Variants in RUNX1 observed in about 807,000 individuals in gnomAD.
RUNX1 encodes runt-related transcription factor 1.
Under a neutral mutation model 42.8 loss-of-function variants are expected in RUNX1, and 19 were observed. The observed-to-expected ratio is 0.44, with a 90% CI of 0.31 to 0.65. The LOEUF (loss-of-function observed/expected upper bound fraction) is 0.65. Among genes scored for constraint, RUNX1 ranks in the 30% least tolerant of loss-of-function variants. The probability of loss-of-function intolerance (pLI) is 0.07; values close to 1 mark genes in which losing one functional copy is unlikely to be tolerated. For synonymous variants in RUNX1, 271 were observed against 289.4 expected (o/e 0.94, Z 0.64); for missense variants, 528 against 672.0 (o/e 0.79, Z 2.37).
At chr21:34,951,075 T>C (rs1383801302) in intron 2 of RUNX1, among the ~76,000 whole-genome samples, 3 of 152,242 alleles carry the variant, frequency 2.0e-5, no homozygotes, top group Non-Finnish European at 4.4e-5. Flanking sequence ...TGACAAGGTA[T>C]GCGTGTTTTA....
At chr21:34,994,457 C>T (rs2058977652) in intron 2 of RUNX1, among the ~76,000 whole-genome samples, 1 of 151,992 alleles carries the variant, frequency 6.6e-6, no homozygotes, top group Non-Finnish European at 1.5e-5. Flanking sequence ...AGGATGGATA[C>T]CCCATTTTCC....
At chr21:34,966,760 T>C (rs2058721670) in intron 2 of RUNX1, among the ~76,000 whole-genome samples, 1 of 152,228 alleles carries the variant, frequency 6.6e-6, no homozygotes, top group Non-Finnish European at 1.5e-5. Flanking sequence ...TATGGTTATA[T>C]ACGCCATAAA....
At chr21:34,795,069 A>T (rs915374994) in intron 8 of RUNX1, among the ~76,000 whole-genome samples, 1 of 152,224 alleles carries the variant, frequency 6.6e-6, no homozygotes, top group Non-Finnish European at 1.5e-5. Context: ...ATCCACAGAC[A>T]GCAACAAACA....
In RUNX1 at chr21:34,887,049, G is replaced by C. The variant is rs755793721; in HGVS notation, c.145C>G (p.Pro49Ala). The C allele has an allele frequency of 1.2e-6, 2 of 1,600,730 alleles. No individual in the cohort carries two copies. Among genetic ancestry groups the C allele is most frequent in the Non-Finnish European group, 1.7e-6 (2 of 1,179,850 alleles). ...RFTPPSTALS[P>A]GKMSEALPLG... ...GGCAACGCCTCGCTCATCTTGCCTG[G>C]GCTCAGCGCGGTGGAAGGCGGCGTG... Residue 49 changes from proline to alanine, a missense_variant, in exon 4 of 9, where the codon CCA becomes GCA. Pro to Ala is a conservative substitution (Grantham distance 27). Coordinates refer to ENST00000675419, the MANE Select transcript of RUNX1 (RefSeq NM_001754.5).
intron 5 of RUNX1, among the ~76,000 whole-genome samples, chr21:34,878,423 T>G (rs1325221115): frequency 6.6e-6 from 1 of 151,560 alleles, no homozygotes; most frequent in Non-Finnish European, 1.5e-5. Flanking sequence ...AATATTCATA[T>G]CCACAGTAAT....
chr21:34,990,373 G>A (rs2058927414), intron 2 of RUNX1, among the ~76,000 whole-genome samples: 1 of 152,198 alleles, frequency 6.6e-6, no homozygotes, highest in African/African-American at 2.4e-5. Context: ...GGAAGAGCAG[G>A]AACCCCCAGA....
chr21:34,919,343 C>T (rs2146548221), intron 2 of RUNX1, among the ~76,000 whole-genome samples: 1 of 152,296 alleles, frequency 6.6e-6, no homozygotes, highest in South Asian at 2.1e-4. Flanking sequence ...CCAGTGAGAA[C>T]CAAGACAACT....
chr21:34,977,834 G>A (rs2058814487), intron 2 of RUNX1, among the ~76,000 whole-genome samples: 1 of 152,194 alleles, frequency 6.6e-6, no homozygotes, highest in Non-Finnish European at 1.5e-5. Flanking sequence ...GCTATGTAAG[G>A]AAGGTAACTG....
chr21:34,962,024 C>G (rs2058685337), intron 2 of RUNX1, among the ~76,000 whole-genome samples: 2 of 152,052 alleles, frequency 1.3e-5, no homozygotes, highest in African/African-American at 4.8e-5. Context: ...TCCTGAGTAG[C>G]TGGGACTACA....
chr21:34,941,144 T>G (rs1240157560), intron 2 of RUNX1, among the ~76,000 whole-genome samples: 10 of 152,234 alleles, frequency 6.6e-5, no homozygotes, highest in Admixed American at 6.5e-4. Context: ...TATCCTCTGA[T>G]AAGCCTTCGT....
rs757494454 is a variant in RUNX1, at chr21:34,859,372, G to A, written c.613+102C>T. ...ACGGGGGCCTGACATCCCCCTGGGGGAAAGGTTGAACCCAAGGAATCTGAG... is the reference window on the plus strand; with the variant it reads ...ACGGGGGCCTGACATCCCCCTGGGGAAAAGGTTGAACCCAAGGAATCTGAG... On this transcript the variant is annotated intron_variant, in intron 6 of 8. Coordinates refer to ENST00000675419, the MANE Select transcript of RUNX1 (RefSeq NM_001754.5). 4 of 971,334 alleles carry A rather than the reference G, an allele frequency of 4.1e-6. No homozygotes were observed. In the African/African-American group the frequency reaches 4.8e-5, roughly 12 times the overall value. 60.2% of individuals were successfully genotyped at this position (971,334 alleles called of 1,614,324 possible).
chr21:34,872,564 T>C (rs1475271096), intron 5 of RUNX1, among the ~76,000 whole-genome samples: 5 of 152,256 alleles, frequency 3.3e-5, no homozygotes, highest in African/African-American at 1.2e-4. Flanking sequence ...AATAAGTTTT[T>C]CATAAAATTT....
At chr21:34,958,936 A>C (rs1245812301) in intron 2 of RUNX1, among the ~76,000 whole-genome samples, 4 of 152,120 alleles carry the variant, frequency 2.6e-5, no homozygotes, top group African/African-American at 9.7e-5. Flanking sequence ...CATTCTCAGT[A>C]AACTATCGCA....
At chr21:35,031,309 C>T (rs1343497084) in intron 2 of RUNX1, among the ~76,000 whole-genome samples, 1 of 152,198 alleles carries the variant, frequency 6.6e-6, no homozygotes, top group Admixed American at 6.5e-5. Flanking sequence ...GATCGTGCCA[C>T]TGCACTCCAG....
chr21:34,865,985 T>C (rs566192664), intron 5 of RUNX1, among the ~76,000 whole-genome samples: 1 of 152,300 alleles, frequency 6.6e-6, no homozygotes, highest in East Asian at 1.9e-4. Context: ...CGACTCCTGT[T>C]GTGACTCGGC....
At chr21:34,985,867 C>CTTTT (rs33913281) in intron 2 of RUNX1, among the ~76,000 whole-genome samples, 1 of 75,474 alleles carries the variant, frequency 1.3e-5, no homozygotes, top group African/African-American at 5.0e-5. Context: ...TCTGACCAGA[C>CTTTT]TTTTTTTTTT....
chr21:34,864,358 G>A (rs1307634647), intron 5 of RUNX1, among the ~76,000 whole-genome samples: 1 of 152,264 alleles, frequency 6.6e-6, no homozygotes, highest in Admixed American at 6.5e-5. Context: ...GAAATCACAG[G>A]AGAGCAAGGG....
At chr21:34,983,419 T>C (rs2058861936) in intron 2 of RUNX1, among the ~76,000 whole-genome samples, 1 of 152,256 alleles carries the variant, frequency 6.6e-6, no homozygotes, top group African/African-American at 2.4e-5. Context: ...ATTACTCTAC[T>C]ACAGAGCTTT....
At chr21:34,991,130 C>T (rs11909734) in intron 2 of RUNX1, among the ~76,000 whole-genome samples, 6,054 of 152,242 alleles carry the variant, frequency 0.04, 389 homozygotes, top group African/African-American at 0.14. Flanking sequence ...GCTGCGCTGG[C>T]GAAGACCGGG....
Sources: gnomAD v4.1 joint callset for allele counts (sites outside exome capture counted in the v4.1 genomes callset) on GRCh38, gnomAD v4.1.1 for gene constraint, MANE v1.5 for transcripts, NCBI Gene and HGNC (gene_info 2026-07-23, HGNC 2026-07-21) for gene names.